Variants in VPS4A observed in about 807,000 individuals in gnomAD.
The protein encoded by VPS4A is vacuolar protein sorting-associated protein 4A.
VPS4A carries 20 observed loss-of-function variants against 52.3 expected under a neutral mutation model. The observed-to-expected ratio is 0.38, with a 90% confidence interval of 0.27 to 0.56. The LOEUF (loss-of-function observed/expected upper bound fraction) is 0.56. VPS4A is among the 20% of genes least tolerant of loss of function. VPS4A has a pLI of 0.72. For synonymous variants in VPS4A, 293 were observed against 227.7 expected (o/e 1.29, Z -2.58); for missense variants, 419 against 575.9 (o/e 0.73, Z 2.79).
At chr16:69,316,500 C>G in intron 3 of VPS4A, 128 bp downstream of exon 3, 1 of 1,271,210 alleles carries the variant, frequency 7.9e-7, no homozygotes, top group Non-Finnish European at 1.1e-6. Context: ...ACAGTGCCAG[C>G]AGCTGCTTTC....
rs998131644 is a variant in VPS4A at position 69,326,552 on chromosome 16, A to G, written c.*2243A>G. The G allele has an allele frequency of 1.3e-5, 2 of 152,242 alleles. No individual in the cohort carries two copies. The highest frequency in any genetic ancestry group is 2.9e-5 in the Non-Finnish European group (2 of 68,052). The allele number at this position is 152,242 out of a possible 1,614,324, so 9.4% of individuals were successfully genotyped here. A position where few individuals can be genotyped will look rare whatever the true frequency, so the allele number is the denominator to read the frequency against. ...GGGGTTAACAAAGGTTAGCATGGCT[A>G]TGGTCCATCCCTGTGCTCTAGTTAG... is the stretch of plus-strand genomic sequence containing the variant. On this transcript the variant is annotated 3_prime_UTR_variant, in exon 11 of 11. Transcript: ENST00000254950.
In VPS4A at chr16:69,315,962, T is replaced by C. The variant is rs374513036; in HGVS notation, c.22-46T>C. ...CCCATGCCTGTGACCCCAGGGACTT[T>C]CCACCTCTCCGAGGAAGCACTGAGC... On this transcript the variant is annotated intron_variant, in intron 1 of 10. Transcript: ENST00000254950. 2.9e-4 allele frequency: 447 copies of C among 1,565,246 alleles called. 1 individual carries two copies. The highest frequency in any genetic ancestry group is 1.0e-3 in the African/African-American group (76 of 74,110).
chr16:69,319,460 C>A lies in VPS4A; in HGVS notation c.537C>A (p.Ala179=), dbSNP rs769185990. 3.1e-6 allele frequency: 5 copies of A among 1,614,028 alleles called. No homozygotes were observed. Among genetic ancestry groups the A allele is most frequent in the Non-Finnish European group, 4.2e-6 (5 of 1,179,898 alleles). The change falls in exon 6 of 11, where the codon GCC becomes GCA. Residue 179 remains alanine (A), a synonymous_variant. Transcript: ENST00000254950. ...PGTGKSYLAK[A]VATEANNSTF... is the part of the protein sequence containing the mutation. ...CAGGGAAATCCTACCTGGCCAAAGC[C>A]GTGGCAACAGAGGCCAACAACTCCA...
At chr16:69,322,277 G>T (rs779676688) in intron 9 of VPS4A, 30 of 270,026 alleles carry the variant, frequency 1.1e-4, no homozygotes, top group Non-Finnish European at 1.8e-4. Flanking sequence ...ATGTGGGTGG[G>T]GGCACAGCTA....
rs745313983 is a variant in VPS4A at position 69,322,571 on chromosome 16, C to T, written c.1083C>T (p.Pro361=). 6 of 1,613,398 alleles carry T rather than the reference C, an allele frequency of 3.7e-6. No individual in the cohort carries two copies. Among genetic ancestry groups the T allele is most frequent in the South Asian group, 1.1e-5 (1 of 90,996 alleles). ...CCATTTGGTTTCAGGTCTGTGGCCCCTCTCGCACCAACCCCAGCATGATGA... is the reference window on the plus strand; with the variant it reads ...CCATTTGGTTTCAGGTCTGTGGCCCTTCTCGCACCAACCCCAGCATGATGA... ...SATHFKKVCG[P]SRTNPSMMID... is the part of the protein sequence containing the mutation. The change falls in exon 10 of 11, where the codon CCC becomes CCT. Residue 361 remains proline (P), a synonymous_variant. Coordinates refer to ENST00000254950, the MANE Select transcript of VPS4A (RefSeq NM_013245.3).
chr16:69,318,877 A>C lies in VPS4A; in HGVS notation c.398A>C (p.Glu133Ala). The change falls in exon 5 of 11, where the codon GAG (glutamate) becomes GCG (alanine). Residue 133 changes from glutamate (E) to alanine (A), a missense_variant. By Grantham distance (107) the Glu-to-Ala change is moderately radical. This residue lies in a region of VPS4A where 103 missense variants were observed against 210.3 expected (regional missense o/e 0.49). Coordinates refer to ENST00000254950, the MANE Select transcript of VPS4A (RefSeq NM_013245.3). ...NIRWNDVAGLEGAKEALKEAV... is the reference protein window; with the variant it reads ...NIRWNDVAGLAGAKEALKEAV... ...CGGTGGAACGACGTGGCCGGGCTGG[A>C]GGGGGCCAAGGAGGCCCTCAAAGAA... is the stretch of plus-strand genomic sequence containing the variant. The C allele has an allele frequency of 6.2e-7, 1 of 1,613,624 alleles. No homozygotes were observed. Among genetic ancestry groups the C allele is most frequent in the Non-Finnish European group, 8.5e-7 (1 of 1,179,770 alleles).
rs768901144 is a variant in VPS4A at position 69,316,256 on chromosome 16, C to T, written c.165C>T (p.Ser55=). The T allele has an allele frequency of 1.2e-6, 2 of 1,613,734 alleles. No homozygotes were observed. The highest frequency in any genetic ancestry group is 2.2e-5 in the South Asian group (2 of 91,084). ...YEAHSDKAKE[S]IRAKCVQYLD... ...CCCACAGCGACAAGGCCAAGGAGAG[C>T]ATTCGAGCCAAGTGCGTGCAGTACC... is the stretch of plus-strand genomic sequence containing the variant. The change falls in exon 3 of 11, where the codon AGC becomes AGT. Residue 55 remains serine (S), a synonymous_variant. Coordinates refer to ENST00000254950, the MANE Select transcript of VPS4A (RefSeq NM_013245.3).
Position 69,321,092 on chromosome 16 carries a change from C to T in VPS4A, c.893C>T (p.Ala298Val). 6.3e-7 allele frequency: 1 copy of T among 1,596,384 alleles called. No individual in the cohort carries two copies. The highest frequency in any genetic ancestry group is 8.5e-7 in the Non-Finnish European group (1 of 1,171,604). Residue 298 changes from alanine (A) to valine (V), a missense_variant, in exon 9 of 11, where the codon GCC becomes GTC. This residue lies in a region of VPS4A where 185 missense variants were observed against 200.2 expected (regional missense o/e 0.92). Coordinates refer to ENST00000254950, the MANE Select transcript of VPS4A (RefSeq NM_013245.3). This position sits in a 1 kb window ranked among gnomAD's most constrained non-coding sequence, Gnocchi z 4.5. Reference sequence around the variant, plus strand: ...TATATCCCCTTGCCGGAGGAAGCTGCCCGCGCCCAGATGTTCCGGTTGCAT... The same window carrying T: ...TATATCCCCTTGCCGGAGGAAGCTGTCCGCGCCCAGATGTTCCGGTTGCAT... ...RIYIPLPEEA[A>V]RAQMFRLHLG...
chr16:69,320,682 C>T lies in VPS4A; in HGVS notation c.770-6C>T, dbSNP rs780483792. 1.7e-5 allele frequency: 27 copies of T among 1,598,028 alleles called. No individual in the cohort carries two copies. The highest frequency in any genetic ancestry group is 1.4e-4 in the East Asian group (6 of 44,316). ...AGTCTGAGTCTTTGTCTCCCTTTCTCCACAGGGGTGGGGAATAACAATGAT... is the reference window on the plus strand; with the variant it reads ...AGTCTGAGTCTTTGTCTCCCTTTCTTCACAGGGGTGGGGAATAACAATGAT... On this transcript the variant is annotated splice_region_variant and splice_polypyrimidine_tract_variant and intron_variant, in intron 7 of 10. Coordinates refer to ENST00000254950, the MANE Select transcript of VPS4A (RefSeq NM_013245.3). The surrounding 1 kb of genome is among the most constrained non-coding windows in gnomAD (Gnocchi z 4.2).
intron 10 of VPS4A, chr16:69,323,580 G>T (rs571408266): frequency 1.1e-5 from 5 of 453,902 alleles, no homozygotes; most frequent in Non-Finnish European, 1.8e-5. Context: ...CAAAGGCAGC[G>T]CCTCACCTGC....
Position 69,320,112 on chromosome 16 carries a change from T to C in VPS4A, c.621-29T>C, listed in dbSNP as rs1597213619. ...CAGGCGGGCACGGACGTGAACGTCT[T>C]GTCCTCACCCCCTTTCTCACCTTCA... is the stretch of plus-strand genomic sequence containing the variant. On this transcript the variant is annotated intron_variant, in intron 6 of 10. Coordinates refer to ENST00000254950, the MANE Select transcript of VPS4A (RefSeq NM_013245.3). This position sits in a 1 kb window ranked among gnomAD's most constrained non-coding sequence, Gnocchi z 4.2. 4.4e-6 allele frequency: 7 copies of C among 1,604,306 alleles called. No homozygotes were observed. Among genetic ancestry groups the C allele is most frequent in the Non-Finnish European group, 6.0e-6 (7 of 1,172,506 alleles).
In VPS4A at chr16:69,324,368, C is replaced by G; in HGVS notation, c.*59C>G. 6.5e-7 allele frequency: 1 copy of G among 1,532,892 alleles called. No homozygotes were observed. The highest frequency in any genetic ancestry group is 9.0e-7 in the Non-Finnish European group (1 of 1,116,808). 95.0% of individuals were successfully genotyped at this position (1,532,892 alleles called of 1,614,324 possible). On this transcript the variant is annotated 3_prime_UTR_variant, in exon 11 of 11. Transcript: ENST00000254950. ...AGGTTGATTGGGGCAAATCCAGGCA[C>G]TCCCCATGTCAACAGCCAGACAGGG...
intron 3 of VPS4A, among the ~76,000 whole-genome samples, chr16:69,318,412 T>C (rs1965464809): frequency 6.6e-6 from 1 of 152,248 alleles, no homozygotes; most frequent in Non-Finnish European, 1.5e-5. Flanking sequence ...GATTCCCATC[T>C]GCTCCGCGAA....
In VPS4A at chr16:69,311,518, ACGTCAAC is replaced by A; in HGVS notation, c.9_15del (p.Thr5ArgfsTer7). ...GGCGGACCCAGGAGATGAAATGACAACGTCAACCCTCCAGGTACTTCGTGCGGCCCGG... is the reference window on the plus strand; with the variant it reads ...GGCGGACCCAGGAGATGAAATGACAACCTCCAGGTACTTCGTGCGGCCCGG... On this transcript the variant is annotated frameshift_variant, in exon 1 of 11. Transcript: ENST00000254950. LOFTEE classifies it high-confidence loss of function. 7.4e-7 allele frequency: 1 copy of A among 1,357,676 alleles called. No homozygotes were observed. The highest frequency in any genetic ancestry group is 9.6e-7 in the Non-Finnish European group (1 of 1,041,974). 84.1% of individuals were successfully genotyped at this position (1,357,676 alleles called of 1,614,324 possible).
chr16:69,322,833 G>T, intron 10 of VPS4A, 133 bp downstream of exon 10: 3 of 1,137,786 alleles, frequency 2.6e-6, no homozygotes, highest in Non-Finnish European at 3.6e-6. Flanking sequence ...ACTTTGGGAG[G>T]CCAGGGTGGG....
intron 10 of VPS4A, among the ~76,000 whole-genome samples, chr16:69,323,962 A>AG (rs1410566919): frequency 2.6e-5 from 4 of 151,332 alleles, no homozygotes; most frequent in Admixed American, 6.6e-5. Flanking sequence ...AAAAAAAAAA[A>AG]AAAGAAAGCA....
At chr16:69,322,286 T>A in intron 9 of VPS4A, 1 of 302,722 alleles carries the variant, frequency 3.3e-6, no homozygotes, top group East Asian at 6.2e-5. Flanking sequence ...GGGGCACAGC[T>A]AAACCATATC....
chr16:69,325,073 T>TG lies in VPS4A; in HGVS notation c.*764_*765insG, dbSNP rs1408849015. The TG allele has an allele frequency of 6.6e-6, 1 of 152,308 alleles. No individual in the cohort carries two copies. The highest frequency in any genetic ancestry group is 6.5e-5 in the Admixed American group (1 of 15,288). 9.4% of individuals were successfully genotyped at this position (152,308 alleles called of 1,614,324 possible). Reference sequence around the variant, plus strand: ...AGTGATCTCATCTTTCCTTGACTCTTAACTGAGACTCTGAAGGGCCACCCT... The same window carrying TG: ...AGTGATCTCATCTTTCCTTGACTCTTGAACTGAGACTCTGAAGGGCCACCCT... On this transcript the variant is annotated 3_prime_UTR_variant, in exon 11 of 11. Transcript: ENST00000254950.
chr16:69,312,836 C>T (rs1965393299), intron 1 of VPS4A, among the ~76,000 whole-genome samples: 1 of 152,072 alleles, frequency 6.6e-6, no homozygotes, highest in Non-Finnish European at 1.5e-5. Flanking sequence ...TGGTCTCGAA[C>T]TCCCGACCTC....
Sources: allele counts gnomAD v4.1 joint callset (sites outside exome capture counted in the v4.1 genomes callset), GRCh38; gene constraint gnomAD v4.1.1; regional missense constraint gnomAD v4.1.1; non-coding constraint Gnocchi (gnomAD v3.1); transcripts MANE v1.5; gene names NCBI Gene and HGNC (gene_info 2026-07-23, HGNC 2026-07-21).